Variants in NBPF15 observed in about 807,000 individuals in gnomAD.
NBPF15 encodes NBPF member 15, also known as NBPF family member NBPF15.
A neutral mutation model predicts 62.2 loss-of-function variants in NBPF15; 74 were observed. That is an observed-to-expected ratio of 1.19 (90% CI 0.99 to 1.44). The LOEUF is 1.44. NBPF15 is among the 40% of genes most tolerant of loss of function. The pLI is 0.00. For synonymous variants in NBPF15, 244 were observed against 209.7 expected (o/e 1.16, Z -1.41); for missense variants, 790 against 550.0 (o/e 1.44, Z -4.36).
chr1:144,458,866 C>T (rs1650205611), intron 3 of NBPF15, among the ~76,000 whole-genome samples: 2 of 151,492 alleles, frequency 1.3e-5, no homozygotes, highest in Admixed American at 6.6e-5. Flanking sequence ...ATGTTGAATC[C>T]CAATCTCTAC....
intron 6 of NBPF15, among the ~76,000 whole-genome samples, chr1:144,443,206 T>C (rs1278528605): frequency 6.6e-6 from 1 of 151,972 alleles, no homozygotes; most frequent in Non-Finnish European, 1.5e-5. Flanking sequence ...GAAAACTTTT[T>C]TGTTTTGATG....
At chr1:144,426,549 G>C in intron 17 of NBPF15, 99 bp from the exon 18 acceptor site, 1 of 738,650 alleles carries the variant, frequency 1.4e-6, no homozygotes, top group African/African-American at 1.7e-5. Flanking sequence ...TGTTTAAAAA[G>C]AAAAAGGACG....
Position 144,423,135 on chromosome 1 carries a change from C to T in NBPF15, c.1891G>A (p.Val631Met), listed in dbSNP as rs782350345. 108 of 1,611,474 alleles carry T rather than the reference C, an allele frequency of 6.7e-5. No individual in the cohort carries two copies. Among genetic ancestry groups the T allele is most frequent in the South Asian group, 2.7e-4 (25 of 90,982 alleles). Residue 631 changes from valine (V) to methionine (M), a missense_variant, in exon 22 of 22, where the codon GTG (valine) becomes ATG (methionine). Transcript: ENST00000581897. ...TGCTCTTCCTCAAATGAGTAAAACA[C>T]ACTTCTGTAGTGCTGGAATGAGTCA... The part of the protein sequence containing the change: ...QPDSFQHYRS[V>M]FYSFEEEHIS...
chr1:144,424,117 T>C lies in NBPF15; in HGVS notation c.1664-142A>G, dbSNP rs1262586759. ...CATGAGAGATATATTTCAGGAGGTC[T>C]GAAGGCTGGTCATGATATAAATTCC... On this transcript the variant is annotated intron_variant, in intron 20 of 21. Transcript: ENST00000581897. 7.7e-5 allele frequency: 57 copies of C among 735,530 alleles called. 1 individual carries two copies. In the African/African-American group the frequency reaches 9.2e-4, roughly 12 times the overall value. 45.6% of individuals were successfully genotyped at this position (735,530 alleles called of 1,614,324 possible). A position where few individuals can be genotyped will look rare whatever the true frequency, so the allele number is the denominator to read the frequency against.
At chr1:144,432,717 AC>A (rs1553540420) in intron 13 of NBPF15, among the ~76,000 whole-genome samples, 1 of 152,084 alleles carries the variant, frequency 6.6e-6, no homozygotes, top group African/African-American at 2.4e-5. Flanking sequence ...AAAGAAGGCC[AC>A]TACATAATGG....
At chr1:144,455,219 G>A (rs746861149) in intron 4 of NBPF15, among the ~76,000 whole-genome samples, 124 of 146,548 alleles carry the variant, frequency 8.5e-4, no homozygotes, top group Non-Finnish European at 1.5e-3. Flanking sequence ...AAGGGAAGGA[G>A]GGAGGGAAAG....
chr1:144,447,976 A>T (rs1439071804), intron 6 of NBPF15, among the ~76,000 whole-genome samples: 3 of 152,068 alleles, frequency 2.0e-5, no homozygotes, highest in Non-Finnish European at 4.4e-5. Flanking sequence ...AGCATCAGCC[A>T]CTGTCGGCTG....
At chr1:144,459,172 T>C (rs1650500999) in intron 3 of NBPF15, among the ~76,000 whole-genome samples, 194 bp downstream of exon 3, 1 of 152,102 alleles carries the variant, frequency 6.6e-6, no homozygotes, top group Middle Eastern at 3.4e-3. Context: ...AAGGAAAAGA[T>C]TGATAAAGTA....
chr1:144,453,535 A>G (rs1365883337), intron 4 of NBPF15, among the ~76,000 whole-genome samples: 13 of 151,556 alleles, frequency 8.6e-5, no homozygotes, highest in Non-Finnish European at 1.2e-4. Context: ...AAGAGAATGG[A>G]AAAAGCAAGT....
intron 6 of NBPF15, among the ~76,000 whole-genome samples, chr1:144,442,310 G>A (rs1684051097): frequency 8.3e-6 from 1 of 119,944 alleles, no homozygotes; most frequent in Non-Finnish European, 1.7e-5. Context: ...ATATACACGT[G>A]TATATATTAT....
chr1:144,458,782 G>A (rs1650136353), intron 3 of NBPF15, among the ~76,000 whole-genome samples: 1 of 152,132 alleles, frequency 6.6e-6, no homozygotes, highest in South Asian at 2.1e-4. Flanking sequence ...GCTCATGCCT[G>A]TAATCCCCAC....
chr1:144,429,018 G>C (rs1200036760), intron 14 of NBPF15, among the ~76,000 whole-genome samples: 1 of 151,930 alleles, frequency 6.6e-6, no homozygotes, highest in African/African-American at 2.4e-5. Flanking sequence ...CCCAGAATTT[G>C]ATAGTTTATG....
chr1:144,423,373 T>C, intron 21 of NBPF15, 117 bp from the exon 22 acceptor site: 1 of 1,587,118 alleles, frequency 6.3e-7, no homozygotes, highest in South Asian at 1.2e-5. Context: ...ATAGATTCAT[T>C]AATGAGGTAA....
At chr1:144,454,986 T>G (rs1693480363) in intron 4 of NBPF15, among the ~76,000 whole-genome samples, 1 of 151,518 alleles carries the variant, frequency 6.6e-6, no homozygotes, top group South Asian at 2.1e-4. Context: ...TGTGGTCTTT[T>G]TTAAAAAGTA....
At chr1:144,432,714 G>A (rs1156686894) in intron 13 of NBPF15, among the ~76,000 whole-genome samples, 3 of 151,950 alleles carry the variant, frequency 2.0e-5, no homozygotes, top group Admixed American at 6.6e-5. Context: ...GACAAAGAAG[G>A]CCACTACATA....
rs1315702030 is a variant in NBPF15, at chr1:144,461,560, C to A, written c.-1117G>T. On this transcript the variant is annotated 5_prime_UTR_variant, in exon 1 of 22. An upstream open reading frame in the 5' UTR gains an earlier in-frame stop. Coordinates refer to ENST00000581897, the MANE Select transcript of NBPF15 (RefSeq NM_001385408.1). ...GTTCACTCAGATGCTCACGCAGCCT[C>A]GCGACCCTCACCTACCCCTCCCGAT... is the stretch of plus-strand genomic sequence containing the variant. 6.5e-6 allele frequency: 1 copy of A among 152,902 alleles called. No individual in the cohort carries two copies. Among genetic ancestry groups the A allele is most frequent in the Non-Finnish European group, 1.5e-5 (1 of 68,734 alleles). The allele number at this position is 152,902 out of a possible 1,614,324, so 9.5% of individuals were successfully genotyped here. A position where few individuals can be genotyped will look rare whatever the true frequency, so the allele number is the denominator to read the frequency against.
chr1:144,450,409 C>T (rs1191227085), intron 5 of NBPF15, among the ~76,000 whole-genome samples: 4 of 151,876 alleles, frequency 2.6e-5, no homozygotes, highest in East Asian at 1.9e-4. Flanking sequence ...AGTGTCTCCC[C>T]GCTGACAGCC....
intron 20 of NBPF15, 71 bp from the exon 21 acceptor site, chr1:144,424,046 A>T: frequency 2.6e-6 from 2 of 759,328 alleles, no homozygotes; most frequent in Non-Finnish European, 4.8e-6. Flanking sequence ...CCACTGTCTA[A>T]TCCTCACACA....
At chr1:144,444,898 A>G (rs1224139195) in intron 6 of NBPF15, among the ~76,000 whole-genome samples, 1 of 151,940 alleles carries the variant, frequency 6.6e-6, no homozygotes, top group Non-Finnish European at 1.5e-5. Context: ...CTAGGAAGGG[A>G]ATGACTGTCT....
Sources: allele counts gnomAD v4.1 joint callset (sites outside exome capture counted in the v4.1 genomes callset), GRCh38; gene constraint gnomAD v4.1.1; transcripts MANE v1.5; gene names NCBI Gene and HGNC (gene_info 2026-07-23, HGNC 2026-07-21).